SLC10A7: variants seen among roughly 807,000 people sequenced by gnomAD.
The protein encoded by SLC10A7 is solute carrier family 10 member 7, also known as sodium/bile acid cotransporter 7.
In SLC10A7, 29 loss-of-function variants were observed where a neutral mutation model predicts 43.2. The ratio of observed to expected loss-of-function variants is 0.67; its 90% CI spans 0.50 to 0.92. SLC10A7 has a LOEUF of 0.92. SLC10A7 is among the 40% of genes least tolerant of loss of function. SLC10A7 has a pLI of 0.00. For missense variants in SLC10A7, 295 were observed against 403.2 expected (o/e 0.73, Z 2.30); for synonymous variants, 152 against 144.8 (o/e 1.05, Z -0.35).
chr4:146,295,344 A>T (rs898213488), intron 7 of SLC10A7, among the ~76,000 whole-genome samples: 2 of 152,188 alleles, frequency 1.3e-5, no homozygotes, highest in East Asian at 1.9e-4. Flanking sequence ...TAGATATTTT[A>T]AAAAATTGTA....
chr4:146,428,157 C>T (rs961703653), intron 5 of SLC10A7, among the ~76,000 whole-genome samples: 1 of 152,072 alleles, frequency 6.6e-6, no homozygotes, highest in Non-Finnish European at 1.5e-5. Flanking sequence ...CCAACTTTGG[C>T]AATGAAACAA....
chr4:146,396,078 A>C (rs1485599883), intron 5 of SLC10A7, among the ~76,000 whole-genome samples: 1 of 152,140 alleles, frequency 6.6e-6, no homozygotes, highest in Non-Finnish European at 1.5e-5. Flanking sequence ...TCTCTGGCTC[A>C]GACATATTAT....
intron 6 of SLC10A7, among the ~76,000 whole-genome samples, chr4:146,314,165 A>C (rs1226275260): frequency 6.6e-6 from 1 of 152,126 alleles, no homozygotes; most frequent in Non-Finnish European, 1.5e-5. Context: ...TATAAAGTGA[A>C]GATAATACCT....
At chr4:146,424,535 C>T (rs1729185771) in intron 5 of SLC10A7, among the ~76,000 whole-genome samples, 1 of 151,980 alleles carries the variant, frequency 6.6e-6, no homozygotes, top group Admixed American at 6.6e-5. Context: ...TGGAGGCCAC[C>T]TGTAATCCCA....
intron 5 of SLC10A7, among the ~76,000 whole-genome samples, chr4:146,335,364 G>T (rs547583337): frequency 1.3e-5 from 2 of 148,606 alleles, no homozygotes; most frequent in Admixed American, 1.4e-4. Flanking sequence ...ATTTCCCCTT[G>T]TCCCCAAGTC....
chr4:146,363,617 TCAAA>T (rs934649165), intron 5 of SLC10A7, among the ~76,000 whole-genome samples: 1 of 151,888 alleles, frequency 6.6e-6, no homozygotes, highest in Non-Finnish European at 1.5e-5. Context: ...CAAACAAATC[TCAAA>T]CAATTTAAAA....
chr4:146,269,374 C>T (rs1340571130), intron 10 of SLC10A7, among the ~76,000 whole-genome samples: 4 of 152,190 alleles, frequency 2.6e-5, no homozygotes, highest in African/African-American at 4.8e-5. Flanking sequence ...ATGAAGTCTT[C>T]GTTCCAATAC....
intron 4 of SLC10A7, among the ~76,000 whole-genome samples, chr4:146,501,542 A>G (rs755991032): frequency 3.9e-5 from 6 of 152,196 alleles, no homozygotes; most frequent in Non-Finnish European, 8.8e-5. Flanking sequence ...GTGGCAAGTG[A>G]AAATGTTGTG....
chr4:146,393,581 A>G lies in SLC10A7; in HGVS notation c.435+49202T>C, dbSNP rs181875975. ...GAATAGACATTGTGCTGGCACTGGG[A>G]ACAAATAAATGAACAAATGTTTCTT... is the stretch of plus-strand genomic sequence containing the variant. On this transcript the variant is annotated intron_variant, in intron 5 of 11. Coordinates refer to ENST00000335472, the MANE Select transcript of SLC10A7 (RefSeq NM_001029998.6). 4.3e-3 allele frequency among the ~76,000 whole-genome samples: 653 copies of G among 152,348 alleles called. 4 individuals carry two copies. Among genetic ancestry groups the G allele is most frequent in the Middle Eastern group, 0.014 (4 of 294 alleles).
chr4:146,451,231 CAA>C (rs572993886), intron 4 of SLC10A7, among the ~76,000 whole-genome samples: 1 of 71,688 alleles, frequency 1.4e-5, no homozygotes. Context: ...AGTCTCCCAC[CAA>C]AAAAAAAAAA....
At chr4:146,396,461 A>C (rs1400774001) in intron 5 of SLC10A7, among the ~76,000 whole-genome samples, 2 of 152,136 alleles carry the variant, frequency 1.3e-5, no homozygotes, top group African/African-American at 4.8e-5. Context: ...TGATAGTTTT[A>C]GATTACATTA....
chr4:146,447,983 C>T (rs999101051), intron 4 of SLC10A7, among the ~76,000 whole-genome samples: 2 of 150,740 alleles, frequency 1.3e-5, no homozygotes, highest in African/African-American at 4.9e-5. Context: ...AACCAAACAC[C>T]GCATGTTCTC....
At chr4:146,286,852 G>A (rs983339070) in intron 9 of SLC10A7, among the ~76,000 whole-genome samples, 895 of 13,164 alleles carry the variant, frequency 0.068, no homozygotes, top group African/African-American at 0.24. Flanking sequence ...GTTTGGAGTG[G>A]TGAGAAGGAC....
intron 4 of SLC10A7, among the ~76,000 whole-genome samples, chr4:146,467,454 A>AACAC (rs35773390): frequency 0.038 from 5,368 of 140,762 alleles, 122 homozygotes; most frequent in Middle Eastern, 0.049. Context: ...AGCAGGTTTA[A>AACAC]ACACACACAC....
chr4:146,382,295 G>A (rs1579045666), intron 5 of SLC10A7, among the ~76,000 whole-genome samples: 1 of 152,258 alleles, frequency 6.6e-6, no homozygotes, highest in East Asian at 1.9e-4. Flanking sequence ...CTCAAGGACT[G>A]CATAAAGTGG....
chr4:146,445,877 CTCTCTTCTCTCT>C (rs1731009506), intron 4 of SLC10A7, among the ~76,000 whole-genome samples: 2 of 126,570 alleles, frequency 1.6e-5, no homozygotes, highest in Admixed American at 8.6e-5. Context: ...CTTCTCTCTT[CTCTCTTCTCTCT>C]TCTGTGTGTG....
intron 9 of SLC10A7, among the ~76,000 whole-genome samples, chr4:146,283,688 G>A (rs1729694501): frequency 6.6e-6 from 1 of 151,614 alleles, no homozygotes; most frequent in African/African-American, 2.4e-5. Context: ...AAGAATACAG[G>A]GTATGAAAAA....
At position 146,259,625 on chromosome 4, in the gene SLC10A7, C is replaced by T. The variant is rs572460150; in HGVS notation, c.848-788G>A. Among the ~76,000 whole-genome samples, 3 of 152,298 alleles carry T rather than the reference C, an allele frequency of 2.0e-5. No individual in the cohort carries two copies. In the East Asian group the frequency reaches 5.8e-4, roughly 29 times the overall value. On this transcript the variant is annotated intron_variant, in intron 10 of 11. Transcript: ENST00000335472. ...CGAAAATCAGGGCTGAATGTTTAAA[C>T]TCCACAGTGAATGTCTTCATGGAAC... is the stretch of plus-strand genomic sequence containing the variant.
chr4:146,323,801 T>C (rs55798872), intron 6 of SLC10A7, among the ~76,000 whole-genome samples: 34,647 of 151,936 alleles, frequency 0.23, 4,272 homozygotes, highest in African/African-American at 0.32. Context: ...CTATTCAACA[T>C]AGTGTTGGAA....
Sources: gnomAD v4.1 joint callset for allele counts (sites outside exome capture counted in the v4.1 genomes callset) on GRCh38, gnomAD v4.1.1 for gene constraint, MANE v1.5 for transcripts, NCBI Gene and HGNC (gene_info 2026-07-23, HGNC 2026-07-21) for gene names.